Variants in DLG2 observed in about 807,000 individuals in gnomAD.
DLG2 encodes the protein discs large MAGUK scaffold protein 2.
Under a neutral mutation model 132.5 loss-of-function variants are expected in DLG2, and 45 were observed. The observed-to-expected ratio is 0.34, with a 90% confidence interval of 0.27 to 0.44. The LOEUF is 0.44. Among genes scored for constraint, DLG2 ranks in the 20% least tolerant of loss-of-function variants. DLG2 has a pLI of 1.00. For missense variants in DLG2, 1,045 were observed against 1,196.9 expected (o/e 0.87, Z 1.87); for synonymous variants, 424 against 419.6 (o/e 1.01, Z -0.13).
intron 6 of DLG2, among the ~76,000 whole-genome samples, chr11:84,787,147 C>A (rs961148796): frequency 3.3e-5 from 5 of 152,126 alleles, no homozygotes; most frequent in Non-Finnish European, 7.4e-5. Context: ...TGCCCCAGTA[C>A]CCCAGGAGTA....
chr11:85,293,314 T>G (rs1298984448), intron 3 of DLG2, among the ~76,000 whole-genome samples: 2 of 152,050 alleles, frequency 1.3e-5, no homozygotes, highest in Non-Finnish European at 2.9e-5. Flanking sequence ...TGTAATCTCT[T>G]TGGGAGGCGA....
rs531499065 is a variant in DLG2, at chr11:84,848,670, C to A, written c.357+262991G>T. 2.6e-5 allele frequency among the ~76,000 whole-genome samples: 4 copies of A among 152,192 alleles called. No homozygotes were observed. In the South Asian group the frequency reaches 8.3e-4, roughly 32 times the overall value. On this transcript the variant is annotated intron_variant, in intron 6 of 27. Coordinates refer to ENST00000376104, the MANE Select transcript of DLG2 (RefSeq NM_001142699.3). Reference sequence around the variant, plus strand: ...TCATAGTTCTATAGATCCATCTGTACCAATACATAATTTAGCTGATAAGAT... The same window carrying A: ...TCATAGTTCTATAGATCCATCTGTAACAATACATAATTTAGCTGATAAGAT...
chr11:83,574,678 C>T (rs1470272138), intron 19 of DLG2, among the ~76,000 whole-genome samples: 2 of 152,202 alleles, frequency 1.3e-5, no homozygotes, highest in Non-Finnish European at 2.9e-5. Context: ...GCTGCTACCT[C>T]TGCCATAACT....
intron 6 of DLG2, among the ~76,000 whole-genome samples, chr11:84,606,561 G>T (rs926716326): frequency 6.6e-6 from 1 of 151,992 alleles, no homozygotes; most frequent in East Asian, 1.9e-4. Context: ...TTGCAAAACT[G>T]CAAGATAAAA....
chr11:85,383,329 A>AACT (rs2086054009), intron 3 of DLG2, among the ~76,000 whole-genome samples: 1 of 152,130 alleles, frequency 6.6e-6, no homozygotes, highest in South Asian at 2.1e-4. Context: ...TGTGAGGAGT[A>AACT]ACTACTAAGG....
At chr11:84,755,930 T>G (rs1446266100) in intron 6 of DLG2, among the ~76,000 whole-genome samples, 1 of 152,200 alleles carries the variant, frequency 6.6e-6, no homozygotes. Context: ...ATAAAAAAAT[T>G]AATTTTAACT....
intron 19 of DLG2, among the ~76,000 whole-genome samples, chr11:83,588,335 C>T (rs1327398924): frequency 1.4e-4 from 21 of 151,454 alleles, no homozygotes; most frequent in Admixed American, 2.6e-4. Context: ...CCCTGACCCC[C>T]GAGCAGCCTA....
intron 17 of DLG2, among the ~76,000 whole-genome samples, chr11:83,800,151 A>AG: frequency 6.6e-6 from 1 of 152,280 alleles, no homozygotes; most frequent in Admixed American, 6.5e-5. Context: ...CTAGGGTTGA[A>AG]GGCACTGAAA....
At chr11:83,700,991 T>C (rs767682994) in intron 18 of DLG2, among the ~76,000 whole-genome samples, 13 of 152,188 alleles carry the variant, frequency 8.5e-5, no homozygotes, top group Non-Finnish European at 1.6e-4. Flanking sequence ...AAACACAGCA[T>C]TTGTAACATA....
chr11:83,995,775 A>C (rs967401333), intron 11 of DLG2, among the ~76,000 whole-genome samples: 1 of 152,202 alleles, frequency 6.6e-6, no homozygotes, highest in Non-Finnish European at 1.5e-5. Context: ...ATCCATAGGC[A>C]GAAGAATGAA....
At chr11:84,267,079 A>G (rs1255204238) in intron 7 of DLG2, among the ~76,000 whole-genome samples, 1 of 152,228 alleles carries the variant, frequency 6.6e-6, no homozygotes, top group African/African-American at 2.4e-5. Context: ...GAAGAAAGGC[A>G]GGTGGGATTA....
intron 7 of DLG2, among the ~76,000 whole-genome samples, chr11:84,518,219 T>C (rs2099279530): frequency 6.9e-6 from 1 of 145,596 alleles, no homozygotes. Context: ...ACAAAGAGTT[T>C]AATAGGCTAC....
chr11:84,974,067 G>C (rs2054514617), intron 6 of DLG2, among the ~76,000 whole-genome samples: 2 of 152,154 alleles, frequency 1.3e-5, no homozygotes, highest in African/African-American at 2.4e-5. Flanking sequence ...TACAGATACT[G>C]TTCTCCCAAA....
chr11:84,222,152 C>T (rs572696932), intron 8 of DLG2, among the ~76,000 whole-genome samples: 7 of 152,178 alleles, frequency 4.6e-5, no homozygotes, highest in African/African-American at 1.7e-4. Flanking sequence ...CCTGCCTCAG[C>T]CTCCCAAGTA....
chr11:85,215,058 G>A (rs140151904), intron 4 of DLG2, among the ~76,000 whole-genome samples: 64 of 152,256 alleles, frequency 4.2e-4, no homozygotes, highest in African/African-American at 1.5e-3. Context: ...AGTTAAGAAC[G>A]TGATTGCTTT....
At chr11:85,348,459 G>A (rs192724348) in intron 3 of DLG2, among the ~76,000 whole-genome samples, 2 of 151,908 alleles carry the variant, frequency 1.3e-5, no homozygotes, top group African/African-American at 4.8e-5. Context: ...TCCTGACCTC[G>A]TGATCCGCCC....
At chr11:84,244,053 G>A (rs1379450188) in intron 8 of DLG2, among the ~76,000 whole-genome samples, 1 of 152,192 alleles carries the variant, frequency 6.6e-6, no homozygotes, top group Non-Finnish European at 1.5e-5. Flanking sequence ...AAAGCCAAAG[G>A]CTAGTTTCTC....
rs570240328 is a variant in DLG2 at position 83,619,031 on chromosome 11, T to A, written c.1940+14180A>T. Among the ~76,000 whole-genome samples, 29 of 152,292 alleles carry A rather than the reference T, an allele frequency of 1.9e-4. 1 individual carries two copies. Among genetic ancestry groups the A allele is most frequent in the South Asian group, 1.2e-3 (6 of 4,816 alleles). On this transcript the variant is annotated intron_variant, in intron 19 of 27. Transcript: ENST00000376104. ...ATCCTATGTAGTATTTTATAATTAATACTCACTGAAGAAAAACTTAAACCC... is the reference window on the plus strand; with the variant it reads ...ATCCTATGTAGTATTTTATAATTAAAACTCACTGAAGAAAAACTTAAACCC...
At chr11:84,492,847 T>C (rs921076190) in intron 7 of DLG2, among the ~76,000 whole-genome samples, 3 of 152,100 alleles carry the variant, frequency 2.0e-5, no homozygotes, top group South Asian at 2.1e-4. Flanking sequence ...TAAGTTCCAA[T>C]AGACAGTTTT....
Sources: allele counts gnomAD v4.1 joint callset (sites outside exome capture counted in the v4.1 genomes callset), GRCh38; gene constraint gnomAD v4.1.1; transcripts MANE v1.5; gene names NCBI Gene and HGNC (gene_info 2026-07-23, HGNC 2026-07-21).